DNAH9: variants seen among roughly 807,000 people sequenced by gnomAD.
DNAH9 encodes DNAH9 variant protein.
Under a neutral mutation model 471.6 loss-of-function variants are expected in DNAH9, and 345 were observed. The ratio of observed to expected loss-of-function variants is 0.73; its 90% confidence interval spans 0.67 to 0.80. The LOEUF (loss-of-function observed/expected upper bound fraction) is 0.80. Among genes scored for constraint, DNAH9 ranks in the 30% least tolerant of loss-of-function variants. The probability of loss-of-function intolerance (pLI) is 0.00; values close to 1 mark genes in which losing one functional copy is unlikely to be tolerated. For synonymous variants in DNAH9, 2,093 were observed against 2,123.6 expected (o/e 0.99, Z 0.40); for missense variants, 5,407 against 5,609.2 (o/e 0.96, Z 1.15).
At chr17:11,824,279 G>T (rs923080449) in intron 48 of DNAH9, among the ~76,000 whole-genome samples, 1 of 152,128 alleles carries the variant, frequency 6.6e-6, no homozygotes, top group African/African-American at 2.4e-5. Context: ...TTTTGCCTTT[G>T]GAATTGTTCT....
At chr17:11,694,873 T>C (rs1246679787) in intron 22 of DNAH9, among the ~76,000 whole-genome samples, 3 of 18,970 alleles carry the variant, frequency 1.6e-4, no homozygotes, top group African/African-American at 4.2e-4. Context: ...TCCTTCCTTC[T>C]TTCTTTCTTT....
intron 67 of DNAH9, among the ~76,000 whole-genome samples, chr17:11,945,489 C>T (rs191307947): frequency 6.7e-6 from 1 of 149,354 alleles, no homozygotes; most frequent in Non-Finnish European, 1.5e-5. Context: ...AGTGAGCCGA[C>T]ACTGTGACAC....
chr17:11,759,396 G>A (rs896533779), intron 35 of DNAH9, among the ~76,000 whole-genome samples: 1 of 151,878 alleles, frequency 6.6e-6, no homozygotes, highest in Non-Finnish European at 1.5e-5. Context: ...CCATTTTGCG[G>A]TCATTTTGCT....
intron 41 of DNAH9, among the ~76,000 whole-genome samples, chr17:11,786,757 G>A (rs1445539830): frequency 6.6e-6 from 1 of 152,196 alleles, no homozygotes; most frequent in African/African-American, 2.4e-5. Flanking sequence ...CCTTGTGGTA[G>A]TGGTCACTGA....
chr17:11,701,090 C>T (rs1468373212), intron 23 of DNAH9, 32 bp from the exon 24 acceptor site: 5 of 1,613,106 alleles, frequency 3.1e-6, no homozygotes, highest in Non-Finnish European at 4.2e-6. Flanking sequence ...ACTTCTCAGG[C>T]ACCCAGTGTC....
At chr17:11,668,915 G>A (rs2073928761) in intron 15 of DNAH9, 149 bp from the exon 16 acceptor site, 3 of 617,260 alleles carry the variant, frequency 4.9e-6, no homozygotes, top group Non-Finnish European at 8.5e-6. Context: ...CATTGTATGG[G>A]ATGTAAACAA....
intron 15 of DNAH9, among the ~76,000 whole-genome samples, chr17:11,668,664 C>CAAAA (rs56347198): frequency 3.0e-5 from 3 of 100,552 alleles, no homozygotes; most frequent in African/African-American, 7.4e-5. Flanking sequence ...GACTGCATCT[C>CAAAA]AAAAAAAAAA....
intron 61 of DNAH9, among the ~76,000 whole-genome samples, chr17:11,918,205 T>TTTTTGTTTTGTTTTGTTTTG (rs200370741): frequency 6.8e-6 from 1 of 147,776 alleles, no homozygotes; most frequent in Non-Finnish European, 1.5e-5. Context: ...GTTGGGTGTT[T>TTTTTGTTTTGTTTTGTTTTG]TTTTGTTTTG....
chr17:11,683,559 T>C (rs1321970135), intron 19 of DNAH9, among the ~76,000 whole-genome samples: 2 of 152,242 alleles, frequency 1.3e-5, no homozygotes. Flanking sequence ...TAAGACTGCT[T>C]GAAAGGGAAA....
chr17:11,660,439 C>T (rs190453861), intron 14 of DNAH9, among the ~76,000 whole-genome samples: 2 of 148,970 alleles, frequency 1.3e-5, no homozygotes, highest in Admixed American at 1.4e-4. Flanking sequence ...TCTTGTGCTT[C>T]AGCCTCCCAA....
In DNAH9 at chr17:11,769,355, G is replaced by C. The variant is rs557718949; in HGVS notation, c.7552+26G>C. 2.5e-6 allele frequency: 4 copies of C among 1,584,056 alleles called. No individual in the cohort carries two copies. The South Asian group carries it at 3.4e-5, about 13-fold the overall frequency. On this transcript the variant is annotated intron_variant, in intron 38 of 68. Transcript: ENST00000262442. ...GTAAGCAGCCCAGGGCACCTGGGGTGGGGGGCATCTGGGTGGCCGTGTCAC... is the reference window on the plus strand; with the variant it reads ...GTAAGCAGCCCAGGGCACCTGGGGTCGGGGGCATCTGGGTGGCCGTGTCAC...
Position 11,690,777 on chromosome 17 carries a change from G to A in DNAH9, c.4614+341G>A, listed in dbSNP as rs967561193. Reference sequence around the variant, plus strand: ...GTCCTCACAGGTTGCTTCTTGGATCGTTAAAATTCAAGTGTCCACTGAAAG... The same window carrying A: ...GTCCTCACAGGTTGCTTCTTGGATCATTAAAATTCAAGTGTCCACTGAAAG... On this transcript the variant is annotated intron_variant, in intron 20 of 68. Coordinates refer to ENST00000262442, the MANE Select transcript of DNAH9 (RefSeq NM_001372.4). Among the ~76,000 whole-genome samples the A allele has an allele frequency of 2.0e-4, 30 of 152,170 alleles. 1 individual carries two copies. The highest frequency in any genetic ancestry group is 1.8e-3 in the Admixed American group (28 of 15,290).
At chr17:11,750,328 GTTTTA>G (rs1424584120) in intron 32 of DNAH9, among the ~76,000 whole-genome samples, 1 of 151,842 alleles carries the variant, frequency 6.6e-6, no homozygotes, top group Non-Finnish European at 1.5e-5. Context: ...GGTTATTTTA[GTTTTA>G]TTTATTTATT....
intron 6 of DNAH9, among the ~76,000 whole-genome samples, chr17:11,628,106 G>A (rs2073001761): frequency 6.6e-6 from 1 of 152,166 alleles, no homozygotes; most frequent in South Asian, 2.1e-4. Flanking sequence ...TGACACAAAG[G>A]GAACTTTTAC....
At chr17:11,757,754 A>G (rs1037365166) in intron 35 of DNAH9, 62 bp downstream of exon 35, 9 of 1,544,636 alleles carry the variant, frequency 5.8e-6, no homozygotes, top group Non-Finnish European at 8.0e-6. Flanking sequence ...ATGGGTTCAC[A>G]CCTAGTGTCC....
chr17:11,655,873 G>GATAT (rs149224780), intron 14 of DNAH9, among the ~76,000 whole-genome samples: 42 of 147,914 alleles, frequency 2.8e-4, no homozygotes, highest in African/African-American at 9.7e-4. Flanking sequence ...GAAAGGGTGG[G>GATAT]ATATATATAT....
intron 28 of DNAH9, among the ~76,000 whole-genome samples, chr17:11,728,414 C>G (rs533043328): frequency 6.6e-6 from 1 of 151,812 alleles, no homozygotes; most frequent in East Asian, 1.9e-4. Context: ...TGTAAGCATG[C>G]CCCTTGTCTT....
At position 11,932,033 on chromosome 17, in the gene DNAH9, C is replaced by G; in HGVS notation, c.12125C>G (p.Ser4042Cys). The G allele has an allele frequency of 6.2e-7, 1 of 1,614,140 alleles. No individual in the cohort carries two copies. Among genetic ancestry groups the G allele is most frequent in the Non-Finnish European group, 8.5e-7 (1 of 1,180,020 alleles). Residue 4042 changes from serine to cysteine, a missense_variant, in exon 64 of 69, where the codon TCT becomes TGT. Physicochemically the swap from Ser to Cys is moderately radical, Grantham distance 112. Around this residue, in one of 3 missense-constraint regions of DNAH9, gnomAD observed 4,636 missense variants for 4,900.3 expected, o/e 0.95. Coordinates refer to ENST00000262442, the MANE Select transcript of DNAH9 (RefSeq NM_001372.4). The surrounding 1 kb of genome is among the most constrained non-coding windows in gnomAD (Gnocchi z 4.3). ...NFTQDTLEMC[S>C]RETEFKSILF... ...TTTCAGGACACTCTGGAGATGTGTTCTCGGGAGACGGAGTTTAAGAGCATC... is the reference window on the plus strand; with the variant it reads ...TTTCAGGACACTCTGGAGATGTGTTGTCGGGAGACGGAGTTTAAGAGCATC...
chr17:11,893,780 A>G (rs1401874843), intron 58 of DNAH9, among the ~76,000 whole-genome samples: 1 of 152,194 alleles, frequency 6.6e-6, no homozygotes, highest in African/African-American at 2.4e-5. Context: ...TCAAACCTAG[A>G]TGACAGGTTG....
Sources: gnomAD v4.1 joint callset for allele counts (sites outside exome capture counted in the v4.1 genomes callset) on GRCh38, gnomAD v4.1.1 for gene constraint, gnomAD v4.1.1 regional missense constraint, Gnocchi (gnomAD v3.1) non-coding constraint, MANE v1.5 for transcripts, NCBI Gene and HGNC (gene_info 2026-07-23, HGNC 2026-07-21) for gene names.